SNX29: variants seen among roughly 807,000 people sequenced by gnomAD.
SNX29 encodes sorting nexin 29.
SNX29 carries 78 observed loss-of-function variants against 102.1 expected under a neutral mutation model. The ratio of observed to expected loss-of-function variants is 0.76; its 90% confidence interval spans 0.64 to 0.92. SNX29 has a LOEUF of 0.92. Ranked by LOEUF, SNX29 falls within the 40% of genes least tolerant of loss-of-function variation. The pLI, the probability that SNX29 is intolerant of heterozygous loss-of-function variation, is 0.00. For synonymous variants in SNX29, 580 were observed against 414.5 expected (o/e 1.40, Z -4.85); for missense variants, 1,280 against 1,061.7 (o/e 1.21, Z -2.86).
chr16:12,131,517 C>T (rs909139039), intron 13 of SNX29, among the ~76,000 whole-genome samples: 7 of 151,986 alleles, frequency 4.6e-5, no homozygotes, highest in Non-Finnish European at 5.9e-5. Flanking sequence ...TTTTTATGTA[C>T]CTGGATGTGG....
chr16:12,153,698 G>A (rs574074472), intron 13 of SNX29, among the ~76,000 whole-genome samples: 20 of 150,506 alleles, frequency 1.3e-4, no homozygotes, highest in African/African-American at 4.9e-4. Context: ...GGCTGGTCTC[G>A]AACTCATGGC....
chr16:12,526,496 A>C, intron 20 of SNX29: 1 of 497,738 alleles, frequency 2.0e-6, no homozygotes, highest in East Asian at 4.6e-5. Context: ...CCTGAATAGA[A>C]AACAGTTTCT....
At position 12,573,571 on chromosome 16, in the gene SNX29, A is replaced by AC. The variant is rs902167323; in HGVS notation, c.*4945dup. ...TCCCATCCTAACCGGAAAACCACTC[A>AC]CCCAGGCTTCCCCCACTTCCCCTCA... is the stretch of plus-strand genomic sequence containing the variant. On this transcript the variant is annotated 3_prime_UTR_variant, in exon 21 of 21. Transcript: ENST00000566228. 1.8e-5 allele frequency: 4 copies of AC among 223,442 alleles called. No homozygotes were observed. The highest frequency in any genetic ancestry group is 6.7e-5 in the African/African-American group (3 of 44,818). 13.8% of individuals were successfully genotyped at this position (223,442 alleles called of 1,614,324 possible). A position where few individuals can be genotyped will look rare whatever the true frequency, so the allele number is the denominator to read the frequency against.
At chr16:12,564,559 C>G (rs75940915) in intron 20 of SNX29, among the ~76,000 whole-genome samples, 2 of 152,154 alleles carry the variant, frequency 1.3e-5, no homozygotes, top group African/African-American at 2.4e-5. Context: ...GCAACCCATT[C>G]TTATGGATTG....
At chr16:12,542,323 C>G (rs753755336) in intron 20 of SNX29, among the ~76,000 whole-genome samples, 2 of 152,216 alleles carry the variant, frequency 1.3e-5, no homozygotes, top group South Asian at 2.1e-4. Flanking sequence ...TTTAGAGCTG[C>G]TGTTAGAGCA....
chr16:12,042,930 T>C lies in SNX29; in HGVS notation c.281T>C (p.Leu94Pro). ...PVFWYYVKEV[L>P]NKHELQRFYS... ...TTCTGGTACTACGTGAAGGAGGTCCTCAACAAGCACGAGCTGCAGCGCTTC... is the reference window on the plus strand; with the variant it reads ...TTCTGGTACTACGTGAAGGAGGTCCCCAACAAGCACGAGCTGCAGCGCTTC... Residue 94 changes from leucine to proline, a missense_variant, in exon 5 of 21, where the codon CTC becomes CCC. Leu to Pro is a moderately conservative substitution (Grantham distance 98). Coordinates refer to ENST00000566228, the MANE Select transcript of SNX29 (RefSeq NM_032167.5). 1 of 1,613,348 alleles carries C rather than the reference T, an allele frequency of 6.2e-7. No homozygotes were observed. The highest frequency in any genetic ancestry group is 8.5e-7 in the Non-Finnish European group (1 of 1,179,426).
At chr16:12,401,361 T>A (rs2083934704) in intron 17 of SNX29, among the ~76,000 whole-genome samples, 3 of 133,648 alleles carry the variant, frequency 2.2e-5, no homozygotes, top group African/African-American at 9.1e-5. Context: ...AGAGTTAAAT[T>A]TTTTTTTTTT....
intron 11 of SNX29, among the ~76,000 whole-genome samples, chr16:12,101,035 G>T (rs1407684125): frequency 3.3e-5 from 5 of 152,190 alleles, no homozygotes; most frequent in Non-Finnish European, 7.3e-5. Context: ...CAATTCCCAG[G>T]ACGAAGAGTG....
intron 15 of SNX29, among the ~76,000 whole-genome samples, chr16:12,310,331 G>C (rs1417740415): frequency 6.6e-6 from 1 of 152,198 alleles, no homozygotes; most frequent in Non-Finnish European, 1.5e-5. Context: ...TTTTATCCTA[G>C]AGAAAAGGAA....
At chr16:12,451,159 G>A (rs1023715784) in intron 18 of SNX29, among the ~76,000 whole-genome samples, 7 of 152,182 alleles carry the variant, frequency 4.6e-5, no homozygotes, top group African/African-American at 7.2e-5. Flanking sequence ...TCTGCTACTC[G>A]CTGGCCTCCA....
At chr16:12,216,785 C>T (rs34545706) in intron 14 of SNX29, among the ~76,000 whole-genome samples, 10,668 of 145,254 alleles carry the variant, frequency 0.073, 587 homozygotes, top group South Asian at 0.3. Flanking sequence ...TCGCTTTCTC[C>T]ATTTCTGTTG....
At chr16:12,478,635 G>C (rs1597533685) in intron 19 of SNX29, among the ~76,000 whole-genome samples, 1 of 152,188 alleles carries the variant, frequency 6.6e-6, no homozygotes, top group Admixed American at 6.5e-5. Context: ...TCTAGACCGG[G>C]CTTGGAGCCC....
rs1044059646 is a variant in SNX29, at chr16:12,382,743, C to A, written c.1900-15703C>A. Among the ~76,000 whole-genome samples the A allele has an allele frequency of 5.3e-5, 8 of 152,272 alleles. No individual in the cohort carries two copies. In the South Asian group the frequency reaches 1.7e-3, roughly 32 times the overall value. On this transcript the variant is annotated intron_variant, in intron 16 of 20. Coordinates refer to ENST00000566228, the MANE Select transcript of SNX29 (RefSeq NM_032167.5). ...CCCCCTGGAGGCTCTAGGGGAAGATCCTTCCCTGTCTCTTCTAGCCTCGGG... is the reference window on the plus strand; with the variant it reads ...CCCCCTGGAGGCTCTAGGGGAAGATACTTCCCTGTCTCTTCTAGCCTCGGG...
At chr16:12,538,665 A>C (rs1019990393) in intron 20 of SNX29, among the ~76,000 whole-genome samples, 12 of 152,202 alleles carry the variant, frequency 7.9e-5, no homozygotes, top group African/African-American at 2.9e-4. Flanking sequence ...AAAGATCCAC[A>C]GATCTTTCAT....
At chr16:12,491,912 C>T (rs1397008111) in intron 19 of SNX29, among the ~76,000 whole-genome samples, 1 of 152,198 alleles carries the variant, frequency 6.6e-6, no homozygotes, top group Non-Finnish European at 1.5e-5. Flanking sequence ...GCCACATTTT[C>T]TTAATCCAGT....
At chr16:12,144,502 G>GTGATT (rs2054980880) in intron 13 of SNX29, among the ~76,000 whole-genome samples, 3 of 152,194 alleles carry the variant, frequency 2.0e-5, no homozygotes, top group African/African-American at 7.2e-5. Context: ...GAGGGGAGGT[G>GTGATT]CGATTCATGC....
chr16:12,195,068 C>G lies in SNX29; in HGVS notation c.1596-4533C>G, dbSNP rs181123270. Among the ~76,000 whole-genome samples the G allele has an allele frequency of 3.3e-3, 499 of 152,244 alleles. 3 individuals carry two copies. The highest frequency in any genetic ancestry group is 3.8e-3 in the Non-Finnish European group (256 of 68,020). ...CGTTGTGGTCTATACATTTCCAGTG[C>G]AAATATATCCATGTAAATAGATATA... On this transcript the variant is annotated intron_variant, in intron 13 of 20. Coordinates refer to ENST00000566228, the MANE Select transcript of SNX29 (RefSeq NM_032167.5).
intron 15 of SNX29, among the ~76,000 whole-genome samples, chr16:12,289,854 A>C (rs2151057825): frequency 6.6e-6 from 1 of 152,022 alleles, no homozygotes; most frequent in South Asian, 2.1e-4. Flanking sequence ...GATGGACGCG[A>C]GTGAAAGAGA....
intron 15 of SNX29, among the ~76,000 whole-genome samples, chr16:12,285,976 C>T (rs1195605198): frequency 1.3e-5 from 2 of 152,110 alleles, no homozygotes; most frequent in Admixed American, 6.5e-5. Context: ...CTGCTTCCCC[C>T]TCCACAGTAG....
Sources: allele counts gnomAD v4.1 joint callset (sites outside exome capture counted in the v4.1 genomes callset), GRCh38; gene constraint gnomAD v4.1.1; transcripts MANE v1.5; gene names NCBI Gene and HGNC (gene_info 2026-07-23, HGNC 2026-07-21).